AVEN: variants seen among roughly 807,000 people sequenced by gnomAD.
AVEN encodes the protein cell death regulator Aven.
AVEN carries 41 observed loss-of-function variants against 38.1 expected under a neutral mutation model. The ratio of observed to expected loss-of-function variants is 1.08; its 90% CI spans 0.84 to 1.40. AVEN has a LOEUF of 1.40. AVEN is among the 40% of genes most tolerant of loss of function. The pLI, the probability that AVEN is intolerant of heterozygous loss-of-function variation, is 0.00. For missense variants in AVEN, 605 were observed against 438.8 expected, an observed-to-expected ratio of 1.38 and a Z score of -3.38; for synonymous variants, 206 against 171.8, an observed-to-expected ratio of 1.20 and a Z score of -1.56.
In AVEN at chr15:33,932,164, C is replaced by G. The variant is rs118159618; in HGVS notation, c.446-56169G>C. Among the ~76,000 whole-genome samples, 1,244 of 152,290 alleles carry G rather than the reference C, an allele frequency of 8.2e-3. 10 individuals carry two copies. The highest frequency in any genetic ancestry group is 0.014 in the Non-Finnish European group (957 of 68,026). ...ACAATGCTAAAAGAAATGAGCAGAA[C>G]CTTGAAGAATAAACACACATTCTGA... On this transcript the variant is annotated intron_variant, in intron 2 of 5. Coordinates refer to ENST00000306730, the MANE Select transcript of AVEN (RefSeq NM_020371.3).
intron 2 of AVEN, among the ~76,000 whole-genome samples, chr15:33,920,683 G>A (rs929294096): frequency 1.3e-5 from 2 of 152,186 alleles, no homozygotes; most frequent in African/African-American, 4.8e-5. Flanking sequence ...AAGGACAAGG[G>A]CCACACCTGA....
chr15:33,882,315 G>A (rs933395486), intron 2 of AVEN, among the ~76,000 whole-genome samples: 4 of 152,108 alleles, frequency 2.6e-5, no homozygotes, highest in Non-Finnish European at 5.9e-5. Context: ...AAGGGGGAAG[G>A]GGGTAGCAAA....
intron 2 of AVEN, among the ~76,000 whole-genome samples, chr15:33,970,297 C>T (rs892664933): frequency 3.3e-5 from 5 of 151,858 alleles, no homozygotes; most frequent in African/African-American, 9.7e-5. Context: ...TCAAGACAGT[C>T]TATAAATAAC....
chr15:34,003,107 T>C lies in AVEN; in HGVS notation c.370A>G (p.Ile124Val). ...IVSNWDRYQD[I>V]EKEVNNESGE... ...CTTTCATTATTGACCTCTTTTTCAATATCTTGATATCGATCCCAGTTAGAG... is the reference window on the plus strand; with the variant it reads ...CTTTCATTATTGACCTCTTTTTCAACATCTTGATATCGATCCCAGTTAGAG... The change falls in exon 2 of 6, where the codon ATT (isoleucine) becomes GTT (valine). Residue 124 changes from isoleucine (I) to valine (V), a missense_variant. Transcript: ENST00000306730. 1 of 1,614,008 alleles carries C rather than the reference T, an allele frequency of 6.2e-7. No homozygotes were observed. The highest frequency in any genetic ancestry group is 2.2e-5 in the East Asian group (1 of 44,860).
At chr15:34,052,805 T>C (rs2140829496) in intron 5 of AVEN, among the ~76,000 whole-genome samples, 1 of 152,226 alleles carries the variant, frequency 6.6e-6, no homozygotes, top group South Asian at 2.1e-4. Flanking sequence ...GAAGGACCTC[T>C]TCAAGGAGAA....
chr15:33,916,699 T>C (rs560489475), intron 2 of AVEN, among the ~76,000 whole-genome samples: 1 of 152,196 alleles, frequency 6.6e-6, no homozygotes, highest in Non-Finnish European at 1.5e-5. Context: ...AATGTTGGCA[T>C]GGATGTGGTG....
chr15:33,960,278 T>C (rs1222660208), intron 2 of AVEN, among the ~76,000 whole-genome samples: 3 of 152,196 alleles, frequency 2.0e-5, no homozygotes, highest in Non-Finnish European at 2.9e-5. Flanking sequence ...GAATGTGACA[T>C]TGAATTTTAG....
chr15:33,940,245 T>A (rs1894261677), intron 2 of AVEN, among the ~76,000 whole-genome samples: 1 of 152,266 alleles, frequency 6.6e-6, no homozygotes, highest in Admixed American at 6.5e-5. Context: ...AATGTAAGTC[T>A]GCAGCTCAGT....
chr15:34,016,976 C>A (rs28562640), intron 1 of AVEN, among the ~76,000 whole-genome samples: 19,648 of 151,154 alleles, frequency 0.13, 1,682 homozygotes, highest in African/African-American at 0.23. Flanking sequence ...AAAAAAGTAC[C>A]AAAAATTAGC....
At chr15:34,047,307 G>A (rs59502570) in intron 5 of AVEN, among the ~76,000 whole-genome samples, 14,877 of 152,102 alleles carry the variant, frequency 0.098, 1,137 homozygotes, top group East Asian at 0.31. Context: ...TGGATCTCCT[G>A]ACCTGATGAT....
chr15:33,864,211 A>G (rs544304862), downstream of AVEN: 1 of 1,588,706 alleles, frequency 6.3e-7, no homozygotes, highest in East Asian at 2.2e-5. Context: ...AGAATCATAT[A>G]CCCGTGTTAG....
chr15:33,895,410 CA>C (rs1280948639), intron 2 of AVEN, among the ~76,000 whole-genome samples: 2 of 151,754 alleles, frequency 1.3e-5, no homozygotes, highest in Non-Finnish European at 2.9e-5. Context: ...GCTGCAGCCT[CA>C]ATCTCCCAGG....
chr15:34,070,205 G>A (rs988360469), intron 2 of AVEN, among the ~76,000 whole-genome samples: 3 of 152,066 alleles, frequency 2.0e-5, no homozygotes, highest in Admixed American at 6.6e-5. Context: ...AGAACAGCAC[G>A]GGGGAAACCG....
intron 2 of AVEN, among the ~76,000 whole-genome samples, chr15:33,913,109 G>A (rs1027280231): frequency 6.6e-6 from 1 of 151,938 alleles, no homozygotes; most frequent in African/African-American, 2.4e-5. Flanking sequence ...GGCTGGTCTC[G>A]AACTCCCAAC....
intron 5 of AVEN, among the ~76,000 whole-genome samples, chr15:34,051,351 G>A (rs755229613): frequency 1.3e-5 from 2 of 152,176 alleles, no homozygotes; most frequent in Non-Finnish European, 1.5e-5. Flanking sequence ...AGTGTTAAGA[G>A]GGAAATTTAT....
At chr15:33,965,512 T>C (rs1025944572) in intron 2 of AVEN, among the ~76,000 whole-genome samples, 3 of 152,162 alleles carry the variant, frequency 2.0e-5, no homozygotes, top group Non-Finnish European at 4.4e-5. Flanking sequence ...TAACTCTAGG[T>C]ATGGACCAAA....
intron 2 of AVEN, among the ~76,000 whole-genome samples, chr15:33,920,261 T>C (rs554266157): frequency 6.6e-6 from 1 of 152,348 alleles, no homozygotes; most frequent in East Asian, 1.9e-4. Flanking sequence ...GCATTAAGTA[T>C]ATGCATATTG....
In AVEN at chr15:34,018,019, C is replaced by G. The variant is rs150811587; in HGVS notation, c.268-14810G>C. ...AGTCCAGCACATACAATTATGTACA[C>G]TACATAATACTGACAATGATACTAA... On this transcript the variant is annotated intron_variant, in intron 1 of 5. Coordinates refer to ENST00000306730, the MANE Select transcript of AVEN (RefSeq NM_020371.3). Among the ~76,000 whole-genome samples, 899 of 152,274 alleles carry G rather than the reference C, an allele frequency of 5.9e-3. 13 individuals carry two copies. The South Asian group carries it at 0.064, about 11-fold the overall frequency.
rs536237531 is a variant in AVEN, at chr15:33,951,278, A to C, written c.445+51754T>G. On this transcript the variant is annotated intron_variant, in intron 2 of 5. Transcript: ENST00000306730. ...ACGCTTCCTTCAAAACATTCCTCAC[A>C]GTATTTCTAAAGTAATTTATTAACA... Among the ~76,000 whole-genome samples, 5 of 152,318 alleles carry C rather than the reference A, an allele frequency of 3.3e-5. No individual in the cohort carries two copies. In the South Asian group the frequency reaches 1.0e-3, roughly 32 times the overall value.
Sources: allele counts gnomAD v4.1 joint callset (sites outside exome capture counted in the v4.1 genomes callset), GRCh38; gene constraint gnomAD v4.1.1; transcripts MANE v1.5; gene names NCBI Gene and HGNC (gene_info 2026-07-23, HGNC 2026-07-21).